Variants in CCAR1 observed in about 807,000 individuals in gnomAD.
The protein encoded by CCAR1 is cell division cycle and apoptosis regulator 1, also known as cell division cycle and apoptosis regulator protein 1.
CCAR1 carries 78 observed loss-of-function variants against 163.8 expected under a neutral mutation model. That is an observed-to-expected ratio of 0.48 (90% CI 0.40 to 0.57). The LOEUF is 0.57. Ranked by LOEUF, CCAR1 falls within the 20% of genes least tolerant of loss-of-function variation. CCAR1 has a pLI of 0.00. For synonymous variants in CCAR1, 443 were observed against 460.7 expected (o/e 0.96, Z 0.49); for missense variants, 1,019 against 1,365.2 (o/e 0.75, Z 4.00).
chr10:68,752,258 C>T (rs373641098), intron 10 of CCAR1, among the ~76,000 whole-genome samples: 8 of 152,080 alleles, frequency 5.3e-5, no homozygotes, highest in African/African-American at 1.9e-4. Flanking sequence ...ATTCCGAGAA[C>T]ATTAAATGGA....
At chr10:68,758,757 A>G (rs1286717861) in intron 15 of CCAR1, among the ~76,000 whole-genome samples, 2 of 150,432 alleles carry the variant, frequency 1.3e-5, no homozygotes, top group Admixed American at 6.6e-5. Flanking sequence ...ATCTTAACCT[A>G]TGCCTCCCGG....
At chr10:68,735,346 C>T (rs2056094498) in intron 2 of CCAR1, among the ~76,000 whole-genome samples, 1 of 145,816 alleles carries the variant, frequency 6.9e-6, no homozygotes, top group Non-Finnish European at 1.5e-5. Context: ...GAGACTCTGT[C>T]TCAAAAACAC....
intron 15 of CCAR1, 77 bp downstream of exon 15, chr10:68,757,454 G>T (rs1156702705): frequency 2.4e-5 from 19 of 789,738 alleles, no homozygotes; most frequent in Non-Finnish European, 3.8e-5. Flanking sequence ...TCGCTCTGTC[G>T]CCCAGGCTGG....
chr10:68,763,550 C>T (rs1385145548), intron 16 of CCAR1, among the ~76,000 whole-genome samples: 3 of 152,068 alleles, frequency 2.0e-5, no homozygotes, highest in South Asian at 2.1e-4. Context: ...TGGGTTCAAG[C>T]GATTCTTGTA....
chr10:68,786,532 C>G lies in CCAR1; in HGVS notation c.2734-14C>G. ...AATTTGAATACTATGTTTTCTACTT[C>G]TCCATTTTCTTAGGAAAAAGAAAAG... On this transcript the variant is annotated splice_polypyrimidine_tract_variant and intron_variant, in intron 20 of 24. Transcript: ENST00000265872. 6.5e-7 allele frequency: 1 copy of G among 1,545,602 alleles called. No homozygotes were observed. Among genetic ancestry groups the G allele is most frequent in the East Asian group, 2.3e-5 (1 of 43,638 alleles).
At chr10:68,770,946 C>T (rs923053388) in intron 17 of CCAR1, among the ~76,000 whole-genome samples, 4 of 151,930 alleles carry the variant, frequency 2.6e-5, no homozygotes, top group South Asian at 4.2e-4. Flanking sequence ...GGCGTGGTGG[C>T]GGGCGCCTGT....
chr10:68,753,094 T>TTAGTTGTCGTTAAAAAAGACAATG (rs1554820642), intron 10 of CCAR1, among the ~76,000 whole-genome samples: 1 of 151,564 alleles, frequency 6.6e-6, no homozygotes, highest in Admixed American at 6.6e-5. Flanking sequence ...ACTTCTGCTT[T>TTAGTTGTCGTTAAAAAAGACAATG]TAGTTGTCTT....
At chr10:68,747,980 A>G (rs894438419) in intron 8 of CCAR1, among the ~76,000 whole-genome samples, 11 of 151,980 alleles carry the variant, frequency 7.2e-5, no homozygotes, top group Non-Finnish European at 4.4e-5. Context: ...CAGCCTCCCA[A>G]GTAGCTGGGA....
At position 68,791,355 on chromosome 10, in the gene CCAR1, G is replaced by A. The variant is rs1488256104; in HGVS notation, c.*89G>A. On this transcript the variant is annotated 3_prime_UTR_variant, in exon 25 of 25. Coordinates refer to ENST00000265872, the MANE Select transcript of CCAR1 (RefSeq NM_018237.4). The stretch of plus-strand genomic sequence containing the variant: ...GAATGTTTGAAGGTGATGCATGTTT[G>A]ATTTTAGTAGTATAAATGTATTTTA... 1 of 772,850 alleles carries A rather than the reference G, an allele frequency of 1.3e-6. No individual in the cohort carries two copies. The highest frequency in any genetic ancestry group is 2.8e-5 in the East Asian group (1 of 35,094). 47.9% of individuals were successfully genotyped at this position (772,850 alleles called of 1,614,324 possible).
At chr10:68,754,401 C>T (rs972558703) in intron 11 of CCAR1, among the ~76,000 whole-genome samples, 12 of 152,164 alleles carry the variant, frequency 7.9e-5, no homozygotes, top group African/African-American at 1.9e-4. Context: ...CACTAAATGT[C>T]AATCTTAAGG....
intron 17 of CCAR1, among the ~76,000 whole-genome samples, chr10:68,767,296 C>T (rs1350985254): frequency 6.6e-6 from 1 of 152,134 alleles, no homozygotes; most frequent in Non-Finnish European, 1.5e-5. Context: ...TTGAGACAGT[C>T]TCACTTTGTT....
intron 19 of CCAR1, among the ~76,000 whole-genome samples, chr10:68,783,479 A>G (rs1452007265): frequency 6.6e-6 from 1 of 151,522 alleles, no homozygotes; most frequent in African/African-American, 2.4e-5. Flanking sequence ...GGCCTCATCC[A>G]TGTCTTTCTG....
intron 6 of CCAR1, among the ~76,000 whole-genome samples, chr10:68,742,856 G>A (rs1004353538): frequency 2.0e-5 from 3 of 152,158 alleles, no homozygotes; most frequent in South Asian, 2.1e-4. Context: ...GACCTCAAGT[G>A]AGCCACCCGC....
intron 21 of CCAR1, among the ~76,000 whole-genome samples, chr10:68,787,186 C>G (rs1027316408): frequency 7.2e-5 from 11 of 152,128 alleles, no homozygotes; most frequent in African/African-American, 2.4e-4. Flanking sequence ...ATATAAAATT[C>G]TAGATCTTTT....
Position 68,776,507 on chromosome 10 carries a change from G to A in CCAR1, c.2650+3408G>A, listed in dbSNP as rs370438182. 2.6e-5 allele frequency among the ~76,000 whole-genome samples: 4 copies of A among 152,080 alleles called. No homozygotes were observed. In the East Asian group the frequency reaches 7.8e-4, roughly 29 times the overall value. ...CTTGAACCCAGGAGGCGGAGGTTGC[G>A]GTGAACCGAGATCACGCCATTGCAC... On this transcript the variant is annotated intron_variant, in intron 19 of 24. Coordinates refer to ENST00000265872, the MANE Select transcript of CCAR1 (RefSeq NM_018237.4).
chr10:68,726,130 AAAAG>A (rs2055941708), intron 2 of CCAR1, among the ~76,000 whole-genome samples: 1 of 147,178 alleles, frequency 6.8e-6, no homozygotes. Context: ...AAAAAAAAAA[AAAAG>A]AAATGGGTAC....
At chr10:68,747,720 T>A (rs2056275746) in intron 8 of CCAR1, among the ~76,000 whole-genome samples, 154 bp downstream of exon 8, 1 of 152,148 alleles carries the variant, frequency 6.6e-6, no homozygotes, top group Non-Finnish European at 1.5e-5. Flanking sequence ...TATGTGGAAG[T>A]ATTTTTTTTT....
intron 16 of CCAR1, among the ~76,000 whole-genome samples, chr10:68,761,666 G>A (rs989345780): frequency 1.3e-5 from 2 of 151,160 alleles, no homozygotes; most frequent in Non-Finnish European, 2.9e-5. Flanking sequence ...GCAATGGCAC[G>A]ATCTTGGCTC....
intron 10 of CCAR1, among the ~76,000 whole-genome samples, chr10:68,750,062 TG>T (rs2056310968): frequency 6.6e-6 from 1 of 152,190 alleles, no homozygotes; most frequent in Admixed American, 6.5e-5. Flanking sequence ...GCCCTGGCAG[TG>T]TAGTATAATA....
Sources: gnomAD v4.1 joint callset for allele counts (sites outside exome capture counted in the v4.1 genomes callset) on GRCh38, gnomAD v4.1.1 for gene constraint, MANE v1.5 for transcripts, NCBI Gene and HGNC (gene_info 2026-07-23, HGNC 2026-07-21) for gene names.